Variants in ATP11A observed in about 807,000 individuals in gnomAD.
ATP11A encodes the protein ATPase phospholipid transporting 11A.
In ATP11A, 81 loss-of-function variants were observed where a neutral mutation model predicts 154.4. That is an observed-to-expected ratio of 0.52 (90% CI 0.44 to 0.63). The LOEUF (loss-of-function observed/expected upper bound fraction) is 0.63. Ranked by LOEUF, ATP11A falls within the 30% of genes least tolerant of loss-of-function variation. The pLI, the probability that ATP11A is intolerant of heterozygous loss-of-function variation, is 0.00. For synonymous variants in ATP11A, 623 were observed against 585.9 expected, an observed-to-expected ratio of 1.06 and a Z score of -0.91; for missense variants, 1,316 against 1,474.3, an observed-to-expected ratio of 0.89 and a Z score of 1.76.
intron 1 of ATP11A, among the ~76,000 whole-genome samples, chr13:112,719,039 CAGA>C (rs1888837710): frequency 6.6e-6 from 1 of 152,084 alleles, no homozygotes; most frequent in Non-Finnish European, 1.5e-5. Flanking sequence ...ATGGCTTTAA[CAGA>C]AGAAGAGAAG....
chr13:112,867,642 G>A (rs527922818), intron 25 of ATP11A, among the ~76,000 whole-genome samples: 56 of 152,330 alleles, frequency 3.7e-4, no homozygotes, highest in Non-Finnish European at 6.8e-4. Context: ...GCCTTCCTGG[G>A]ATCCGAGGAT....
chr13:112,699,441 G>T lies in ATP11A; in HGVS notation c.39+8986G>T, dbSNP rs191889091. ...AAAATAAGTCACTTTTTCCTGGGAG[G>T]TGGTATTATGTCACACATCATTTGG... is the stretch of plus-strand genomic sequence containing the variant. On this transcript the variant is annotated intron_variant, in intron 1 of 29. Coordinates refer to ENST00000375645, the MANE Select transcript of ATP11A (RefSeq NM_015205.3). 3.9e-5 allele frequency among the ~76,000 whole-genome samples: 6 copies of T among 152,256 alleles called. No individual in the cohort carries two copies. In the East Asian group the frequency reaches 1.2e-3, roughly 29 times the overall value.
chr13:112,837,830 G>A (rs1452686526), intron 16 of ATP11A, among the ~76,000 whole-genome samples: 8 of 152,154 alleles, frequency 5.3e-5, no homozygotes, highest in Admixed American at 5.2e-4. Context: ...GACCCCGAAG[G>A]AGCTGTAGGG....
intron 2 of ATP11A, 97 bp from the exon 3 acceptor site, chr13:112,804,860 G>C: frequency 1.5e-6 from 1 of 650,206 alleles, no homozygotes; most frequent in South Asian, 2.4e-5. Flanking sequence ...TAAACATTTT[G>C]TACTGTAAAA....
At chr13:112,832,815 T>G in intron 13 of ATP11A, 45 bp from the exon 14 acceptor site, 1 of 1,594,206 alleles carries the variant, frequency 6.3e-7, no homozygotes, top group East Asian at 2.2e-5. Context: ...CTATCTTCAG[T>G]GGACGCACCG....
At chr13:112,804,680 A>G (rs757200762) in intron 2 of ATP11A, among the ~76,000 whole-genome samples, 3 of 151,832 alleles carry the variant, frequency 2.0e-5, no homozygotes, top group African/African-American at 7.3e-5. Flanking sequence ...TTTACGTTTT[A>G]TAAAAGACAT....
intron 17 of ATP11A, among the ~76,000 whole-genome samples, chr13:112,843,055 C>G (rs972127695): frequency 6.6e-6 from 1 of 151,308 alleles, no homozygotes; most frequent in Non-Finnish European, 1.5e-5. Context: ...ACCTTAACTC[C>G]GGGTGATGCG....
At chr13:112,776,746 GCCA>G (rs2077358608) in intron 1 of ATP11A, among the ~76,000 whole-genome samples, 1 of 152,120 alleles carries the variant, frequency 6.6e-6, no homozygotes, top group South Asian at 2.1e-4. Context: ...ACAGGCATGT[GCCA>G]CCACTCCTGC....
In ATP11A at chr13:112,811,161, A is replaced by AACACACACACACACACACACAC. The variant is rs10695491; in HGVS notation, c.441+459_441+480dup. On this transcript the variant is annotated intron_variant, in intron 5 of 29. Coordinates refer to ENST00000375645, the MANE Select transcript of ATP11A (RefSeq NM_015205.3). ...GGTGGATGTACCCACTGCCCCTTCC[A>AACACACACACACACACACACAC]ACACACACACACACACACACACACA... Among the ~76,000 whole-genome samples the AACACACACACACACACACACAC allele has an allele frequency of 1.5e-3, 177 of 115,598 alleles. 5 individuals carry two copies. The highest frequency in any genetic ancestry group is 4.1e-3 in the African/African-American group (116 of 28,020). The allele number at this position is 115,598 out of a possible 152,430, so 75.8% of individuals were successfully genotyped here. A position where few individuals can be genotyped will look rare whatever the true frequency, so the allele number is the denominator to read the frequency against.
chr13:112,849,796 T>C (rs1297310742), intron 17 of ATP11A, among the ~76,000 whole-genome samples: 2 of 152,218 alleles, frequency 1.3e-5, no homozygotes, highest in Non-Finnish European at 2.9e-5. Context: ...GGCAAACCCG[T>C]GAGCAGAAAG....
Position 112,838,146 on chromosome 13 carries a change from G to A in ATP11A, c.1705+1895G>A, listed in dbSNP as rs1348266472. ...GCCAGCCAGACCGTGGGATCAGCAGGACAGGGTCTGAGAACAGGTTCAGAT... is the reference window on the plus strand; with the variant it reads ...GCCAGCCAGACCGTGGGATCAGCAGAACAGGGTCTGAGAACAGGTTCAGAT... On this transcript the variant is annotated intron_variant, in intron 16 of 29. Transcript: ENST00000375645. This position sits in a 1 kb window ranked among gnomAD's most constrained non-coding sequence, Gnocchi z 7.3. Among the ~76,000 whole-genome samples, 1 of 152,192 alleles carries A rather than the reference G, an allele frequency of 6.6e-6. No homozygotes were observed. Among genetic ancestry groups the A allele is most frequent in the African/African-American group, 2.4e-5 (1 of 41,452 alleles).
At chr13:112,723,672 C>T (rs113844335) in intron 1 of ATP11A, among the ~76,000 whole-genome samples, 4 of 152,058 alleles carry the variant, frequency 2.6e-5, no homozygotes, top group Admixed American at 1.3e-4. Context: ...GTATGTGTAA[C>T]CTCTGTCATG....
rs4907552 is a variant in ATP11A, at chr13:112,869,676, T to G, written c.2992-2059T>G. On this transcript the variant is annotated intron_variant, in intron 25 of 29. Coordinates refer to ENST00000375645, the MANE Select transcript of ATP11A (RefSeq NM_015205.3). ...TCCAGGCCCAGCTGATGTGGTTGTC[T>G]GGGTGCAAAGCCGCCCTCAGCTGCT... Among the ~76,000 whole-genome samples the G allele has an allele frequency of 2.6e-5, 4 of 152,020 alleles. No homozygotes were observed. In the South Asian group the frequency reaches 8.3e-4, roughly 31 times the overall value.
At chr13:112,855,802 C>T in intron 19 of ATP11A, 109 bp from the exon 20 acceptor site, 1 of 1,037,220 alleles carries the variant, frequency 9.6e-7, no homozygotes, top group Non-Finnish European at 1.4e-6. Flanking sequence ...ACACTAGTTT[C>T]TTAATCCCAT....
chr13:112,775,167 T>A (rs2077316932), intron 1 of ATP11A, among the ~76,000 whole-genome samples: 1 of 152,252 alleles, frequency 6.6e-6, no homozygotes, highest in Non-Finnish European at 1.5e-5. Flanking sequence ...AGGCAGGCCC[T>A]TGATGTGCAG....
rs916069785 is a variant in ATP11A, at chr13:112,875,263, C to T, written c.3162-513C>T. 2.0e-5 allele frequency among the ~76,000 whole-genome samples: 3 copies of T among 152,174 alleles called. No homozygotes were observed. Among genetic ancestry groups the T allele is most frequent in the African/African-American group, 7.2e-5 (3 of 41,452 alleles). ...GATCAGGAAACGTTACCGGAAGGCA[C>T]GTATAGACGTGGACCTGTGGGCTCG... On this transcript the variant is annotated intron_variant, in intron 27 of 29. Transcript: ENST00000375645. The surrounding 1 kb of genome is among the most constrained non-coding windows in gnomAD (Gnocchi z 4.1).
intron 24 of ATP11A, 30 bp downstream of exon 24, chr13:112,860,444 A>G (rs758933722): frequency 1.1e-5 from 18 of 1,612,746 alleles, no homozygotes; most frequent in Non-Finnish European, 1.4e-5. Context: ...CTCTCCTGAG[A>G]GCAGAGAGAG....
At chr13:112,714,012 C>CA (rs1566368493) in intron 1 of ATP11A, among the ~76,000 whole-genome samples, 12 of 149,374 alleles carry the variant, frequency 8.0e-5, no homozygotes, top group Non-Finnish European at 1.0e-4. Flanking sequence ...CCACTCCCCC[C>CA]CACCCCTGAT....
intron 2 of ATP11A, among the ~76,000 whole-genome samples, chr13:112,803,614 A>G (rs1254932714): frequency 6.6e-6 from 1 of 152,062 alleles, no homozygotes; most frequent in East Asian, 1.9e-4. Flanking sequence ...CAGAAGTTGA[A>G]TGAAACTGCT....
Sources: gnomAD v4.1 joint callset for allele counts (sites outside exome capture counted in the v4.1 genomes callset) on GRCh38, gnomAD v4.1.1 for gene constraint, Gnocchi (gnomAD v3.1) non-coding constraint, MANE v1.5 for transcripts, NCBI Gene and HGNC (gene_info 2026-07-23, HGNC 2026-07-21) for gene names.